PRELID2: variants seen among roughly 807,000 people sequenced by gnomAD.
PRELID2 encodes PRELI domain containing 2.
PRELID2 carries 25 observed loss-of-function variants against 28.4 expected under a neutral mutation model. The ratio of observed to expected loss-of-function variants is 0.88; its 90% CI spans 0.64 to 1.23. The LOEUF (loss-of-function observed/expected upper bound fraction) is 1.23. Ranked by LOEUF, PRELID2 falls within the 50% of genes most tolerant of loss-of-function variation. PRELID2 has a pLI of 0.00. For synonymous variants in PRELID2, 76 were observed against 71.6 expected, an observed-to-expected ratio of 1.06 and a Z score of -0.31; for missense variants, 201 against 214.4, an observed-to-expected ratio of 0.94 and a Z score of 0.39.
chr5:145,277,023 A>G, the PRELID2 span, among the ~76,000 whole-genome samples: 1 of 152,032 alleles, frequency 6.6e-6, no homozygotes, highest in Admixed American at 6.6e-5. Context: ...GCCTGTTCTG[A>G]TTTTTATGAA....
At chr5:145,480,359 G>C (rs1375975976) in intron 1 of PRELID2, among the ~76,000 whole-genome samples, 2 of 152,160 alleles carry the variant, frequency 1.3e-5, no homozygotes, top group East Asian at 3.9e-4. Flanking sequence ...ATTGGGTTGT[G>C]GGTTTTTGCT....
intron 1 of PRELID2, among the ~76,000 whole-genome samples, chr5:145,679,585 C>T (rs1027020167): frequency 1.3e-5 from 2 of 152,050 alleles, no homozygotes; most frequent in African/African-American, 4.8e-5. Flanking sequence ...GTATCCTTAG[C>T]ACTATGTCTG....
At chr5:145,676,023 C>G (rs942474286) in intron 1 of PRELID2, among the ~76,000 whole-genome samples, 1 of 151,488 alleles carries the variant, frequency 6.6e-6, no homozygotes, top group Admixed American at 6.6e-5. Context: ...GAATTTGAGA[C>G]CAGCCTGACC....
chr5:145,831,417 C>T (rs1167758413), intron 1 of PRELID2, among the ~76,000 whole-genome samples: 2 of 152,188 alleles, frequency 1.3e-5, no homozygotes, highest in East Asian at 1.9e-4. Flanking sequence ...CTAAAAGATG[C>T]CTTTTCTAAT....
the PRELID2 span, among the ~76,000 whole-genome samples, chr5:145,459,120 G>A: frequency 6.6e-6 from 1 of 152,128 alleles, no homozygotes; most frequent in Non-Finnish European, 1.5e-5. Flanking sequence ...TCAAGCACAG[G>A]CAATCACAAG....
chr5:145,345,056 G>T, the PRELID2 span, among the ~76,000 whole-genome samples: 1 of 151,756 alleles, frequency 6.6e-6, no homozygotes, highest in African/African-American at 2.4e-5. Context: ...CTTTACATGT[G>T]GTTTCTGCCT....
chr5:145,799,025 A>AATATATATATATATATATATATATAT (rs532556100), intron 4 of PRELID2, among the ~76,000 whole-genome samples: 3 of 147,954 alleles, frequency 2.0e-5, no homozygotes, highest in African/African-American at 7.5e-5. Flanking sequence ...AGTATAATAA[A>AATATATATATATATATATATATATAT]ATATATATAT....
the PRELID2 span, among the ~76,000 whole-genome samples, chr5:145,247,336 G>T: frequency 1.3e-5 from 2 of 151,538 alleles, no homozygotes; most frequent in African/African-American, 2.4e-5. Context: ...CTCCCACACA[G>T]TCAACTCTGT....
At chr5:145,288,482 A>T in the PRELID2 span, among the ~76,000 whole-genome samples, 2 of 151,972 alleles carry the variant, frequency 1.3e-5, no homozygotes, top group Non-Finnish European at 2.9e-5. Flanking sequence ...ATATAAGGTG[A>T]TCCAACTTCA....
chr5:145,463,537 A>G, the PRELID2 span, among the ~76,000 whole-genome samples: 4 of 152,184 alleles, frequency 2.6e-5, no homozygotes, highest in African/African-American at 9.7e-5. Flanking sequence ...CACATTAACT[A>G]TACCTAATCA....
At chr5:145,245,730 T>C in the PRELID2 span, among the ~76,000 whole-genome samples, 1 of 152,026 alleles carries the variant, frequency 6.6e-6, no homozygotes, top group Non-Finnish European at 1.5e-5. Flanking sequence ...TTAAATGTAA[T>C]AGTTAACAGC....
intron 1 of PRELID2, among the ~76,000 whole-genome samples, chr5:145,663,999 T>C (rs1192942519): frequency 6.6e-6 from 1 of 152,096 alleles, no homozygotes; most frequent in Non-Finnish European, 1.5e-5. Context: ...GTCTAGAAAT[T>C]AGATAGATGT....
intron 5 of PRELID2, among the ~76,000 whole-genome samples, chr5:145,772,420 T>C (rs1017151851): frequency 6.6e-6 from 1 of 152,230 alleles, no homozygotes; most frequent in East Asian, 1.9e-4. Flanking sequence ...CAGAATACTA[T>C]AGGCTGAGTG....
At chr5:145,319,924 C>T in the PRELID2 span, among the ~76,000 whole-genome samples, 1 of 152,148 alleles carries the variant, frequency 6.6e-6, no homozygotes, top group African/African-American at 2.4e-5. Context: ...ATATATACCA[C>T]TGCCTTTTGT....
At chr5:145,528,724 CACAGAGAGAG>C (rs1421259124) in intron 1 of PRELID2, among the ~76,000 whole-genome samples, 27 of 56,702 alleles carry the variant, frequency 4.8e-4, no homozygotes, top group African/African-American at 1.3e-3. Context: ...CACACACACA[CACAGAGAGAG>C]AGAGAGAGAG....
Position 145,819,252 on chromosome 5 carries a change from C to T in PRELID2, c.207+693G>A, listed in dbSNP as rs1007516523. ...ACACAGAATCTCTCTTGGGTTGAAA[C>T]TACCCTCTGAGACCTGTTTAAAGGG... On this transcript the variant is annotated intron_variant, in intron 3 of 6. Transcript: ENST00000683046. 1.3e-5 allele frequency: 9 copies of T among 690,240 alleles called. 1 individual carries two copies. The South Asian group carries it at 1.3e-4, about 10-fold the overall frequency. 42.8% of individuals were successfully genotyped at this position (690,240 alleles called of 1,614,324 possible).
the PRELID2 span, among the ~76,000 whole-genome samples, chr5:145,418,491 T>C: frequency 2.0e-5 from 3 of 152,234 alleles, no homozygotes; most frequent in Non-Finnish European, 4.4e-5. Context: ...CAAACTATAC[T>C]ACAGGGCTAC....
the PRELID2 span, among the ~76,000 whole-genome samples, chr5:145,384,243 C>T: frequency 6.6e-6 from 1 of 152,146 alleles, no homozygotes; most frequent in Admixed American, 6.5e-5. Flanking sequence ...ACTTACCAAC[C>T]TGTTTCACAT....
the PRELID2 span, among the ~76,000 whole-genome samples, chr5:145,248,648 T>C: frequency 2.6e-5 from 4 of 151,886 alleles, no homozygotes; most frequent in Non-Finnish European, 1.5e-5. Context: ...AATACAAAAA[T>C]TAGCTGGGCA....
Sources: gnomAD v4.1 joint callset for allele counts (sites outside exome capture counted in the v4.1 genomes callset) on GRCh38, gnomAD v4.1.1 for gene constraint, MANE v1.5 for transcripts, NCBI Gene and HGNC (gene_info 2026-07-23, HGNC 2026-07-21) for gene names.